The following CTNNA2 variants were observed in gnomAD, a reference collection of about 807,000 sequenced individuals.
CTNNA2 encodes the protein catenin alpha 2, also known as catenin alpha-2.
CTNNA2 carries 42 observed loss-of-function variants against 101.0 expected under a neutral mutation model. The ratio of observed to expected loss-of-function variants is 0.42; its 90% CI spans 0.32 to 0.54. CTNNA2 has a LOEUF of 0.54. CTNNA2 is among the 20% of genes least tolerant of loss of function. The probability of loss-of-function intolerance (pLI) is 0.14; values close to 1 mark genes in which losing one functional copy is unlikely to be tolerated. For missense variants in CTNNA2, 871 were observed against 1,223.1 expected (o/e 0.71, Z 4.29); for synonymous variants, 450 against 456.4 (o/e 0.99, Z 0.18).
intron 7 of CTNNA2, among the ~76,000 whole-genome samples, chr2:80,141,623 G>T (rs913593137): frequency 6.6e-6 from 1 of 152,096 alleles, no homozygotes; most frequent in Non-Finnish European, 1.5e-5. Context: ...GGCAATTTCT[G>T]TAGGCTGAGT....
intron 3 of CTNNA2, among the ~76,000 whole-genome samples, chr2:79,754,438 A>C (rs1248886160): frequency 6.6e-6 from 1 of 152,042 alleles, no homozygotes; most frequent in Non-Finnish European, 1.5e-5. Flanking sequence ...CTGGTCAGAG[A>C]CTACTTCCCT....
chr2:80,628,301 T>C (rs1463424781), intron 18 of CTNNA2, among the ~76,000 whole-genome samples: 4 of 151,878 alleles, frequency 2.6e-5, no homozygotes, highest in African/African-American at 9.7e-5. Context: ...AGAGCCCACA[T>C]AGCCAAGACA....
chr2:79,689,208 G>C lies in CTNNA2; in HGVS notation c.102+37550G>C, dbSNP rs189272974. On this transcript the variant is annotated intron_variant, in intron 2 of 18. Transcript: ENST00000402739. ...AAGCAGAAGTACAAGGCATTTTTGT[G>C]ATCTAACCTCAAAAATCACATGTCT... Among the ~76,000 whole-genome samples the C allele has an allele frequency of 1.9e-3, 289 of 151,872 alleles. 1 individual carries two copies. The highest frequency in any genetic ancestry group is 3.9e-3 in the Admixed American group (60 of 15,230).
chr2:79,542,703 A>G (rs1363699883), intron 1 of CTNNA2, among the ~76,000 whole-genome samples: 1 of 152,228 alleles, frequency 6.6e-6, no homozygotes, highest in Non-Finnish European at 1.5e-5. Context: ...TATTTTACAA[A>G]TGTTAGCATA....
chr2:79,728,240 T>C (rs2104904258), intron 2 of CTNNA2, among the ~76,000 whole-genome samples: 1 of 152,222 alleles, frequency 6.6e-6, no homozygotes, highest in East Asian at 1.9e-4. Context: ...CCAGCACCTG[T>C]TGTTTCCTGA....
chr2:80,001,687 A>G (rs1692959563), intron 7 of CTNNA2, among the ~76,000 whole-genome samples: 2 of 152,110 alleles, frequency 1.3e-5, no homozygotes, highest in Non-Finnish European at 2.9e-5. Context: ...TGCAGACTGA[A>G]TTCTTTGGGA....
At chr2:79,414,535 T>G (rs1340341693) in intron 4 of CTNNA2, among the ~76,000 whole-genome samples, 1 of 152,144 alleles carries the variant, frequency 6.6e-6, no homozygotes, top group Non-Finnish European at 1.5e-5. Flanking sequence ...AAAACTGTTT[T>G]AAAACTTTTG....
At chr2:79,465,930 C>G (rs1036537600) in intron 4 of CTNNA2, among the ~76,000 whole-genome samples, 2 of 152,270 alleles carry the variant, frequency 1.3e-5, no homozygotes, top group East Asian at 3.9e-4. Context: ...CAAATAGGAA[C>G]AGCTCCAGTC....
chr2:80,250,918 C>G (rs1671715665), intron 7 of CTNNA2, among the ~76,000 whole-genome samples: 1 of 152,096 alleles, frequency 6.6e-6, no homozygotes, highest in Admixed American at 6.6e-5. Flanking sequence ...ATTAAACTCT[C>G]CCCAGACACC....
chr2:80,459,210 TA>T (rs1375106641), intron 9 of CTNNA2, among the ~76,000 whole-genome samples: 1 of 152,146 alleles, frequency 6.6e-6, no homozygotes, highest in Non-Finnish European at 1.5e-5. Flanking sequence ...ATGCATTTCT[TA>T]GAAGGTATTC....
intron 3 of CTNNA2, among the ~76,000 whole-genome samples, chr2:79,333,293 A>C (rs1397003783): frequency 6.6e-6 from 1 of 152,168 alleles, no homozygotes; most frequent in African/African-American, 2.4e-5. Context: ...TCTCAATTTA[A>C]GCAAGACTGT....
At chr2:80,599,016 G>A (rs932463483) in intron 15 of CTNNA2, among the ~76,000 whole-genome samples, 1 of 151,996 alleles carries the variant, frequency 6.6e-6, no homozygotes, top group African/African-American at 2.4e-5. Flanking sequence ...GATTTTACCG[G>A]TATCAATTTC....
intron 15 of CTNNA2, among the ~76,000 whole-genome samples, chr2:80,603,346 T>C (rs1473695115): frequency 6.6e-6 from 1 of 152,080 alleles, no homozygotes; most frequent in East Asian, 1.9e-4. Flanking sequence ...TTGCAAACCT[T>C]ATATGAAAAT....
intron 3 of CTNNA2, among the ~76,000 whole-genome samples, chr2:79,368,306 T>C (rs1017612660): frequency 6.6e-6 from 1 of 152,220 alleles, no homozygotes; most frequent in African/African-American, 2.4e-5. Flanking sequence ...CCTATTCTTG[T>C]TTCCTTGTCA....
intron 4 of CTNNA2, among the ~76,000 whole-genome samples, chr2:79,865,648 G>A (rs1427179232): frequency 6.6e-6 from 1 of 152,210 alleles, no homozygotes; most frequent in African/African-American, 2.4e-5. Context: ...CCCATCCCCA[G>A]ATGCCGACCT....
intron 1 of CTNNA2, among the ~76,000 whole-genome samples, chr2:79,564,713 A>G (rs1675001114): frequency 6.6e-6 from 1 of 152,114 alleles, no homozygotes; most frequent in South Asian, 2.1e-4. Context: ...GTGTGCCTGA[A>G]TTTGGTTTAT....
chr2:80,099,765 A>AG (rs1416721684), intron 7 of CTNNA2, among the ~76,000 whole-genome samples: 2 of 151,710 alleles, frequency 1.3e-5, no homozygotes, highest in Non-Finnish European at 2.9e-5. Context: ...CAAAAAAAAA[A>AG]AAAAACATTT....
chr2:80,089,010 T>C (rs1008974428), intron 7 of CTNNA2, among the ~76,000 whole-genome samples: 2 of 151,924 alleles, frequency 1.3e-5, no homozygotes, highest in Non-Finnish European at 2.9e-5. Flanking sequence ...TTTCACTGTG[T>C]TTAGCTCAGT....
chr2:79,987,644 A>G (rs1691862342), intron 7 of CTNNA2, among the ~76,000 whole-genome samples: 1 of 152,224 alleles, frequency 6.6e-6, no homozygotes, highest in Non-Finnish European at 1.5e-5. Flanking sequence ...AGAAATGAAT[A>G]AACTTTATAT....
Sources: gnomAD v4.1 joint callset for allele counts (sites outside exome capture counted in the v4.1 genomes callset) on GRCh38, gnomAD v4.1.1 for gene constraint, MANE v1.5 for transcripts, NCBI Gene and HGNC (gene_info 2026-07-23, HGNC 2026-07-21) for gene names.